The following PVT1 variants were observed in gnomAD, a reference collection of about 807,000 sequenced individuals.
PVT1 encodes Pvt1 oncogene, also known as CXCR4/PVT1 fusion.
intron 3 of PVT1, among the ~76,000 whole-genome samples, chr8:127,938,219 A>G (rs1586445412): frequency 6.6e-6 from 1 of 152,318 alleles, no homozygotes; most frequent in African/African-American, 2.4e-5. Flanking sequence ...GGGGCCACAA[A>G]GAGGCGACAA....
At chr8:127,802,914 G>A (rs1321959093) in intron 2 of PVT1, among the ~76,000 whole-genome samples, 1 of 152,070 alleles carries the variant, frequency 6.6e-6, no homozygotes, top group African/African-American at 2.4e-5. Context: ...AGGAGGGAAG[G>A]AAGACACTGG....
At chr8:127,822,446 G>A (rs1276380728) in intron 2 of PVT1, among the ~76,000 whole-genome samples, 1 of 152,120 alleles carries the variant, frequency 6.6e-6, no homozygotes, top group Non-Finnish European at 1.5e-5. Flanking sequence ...ACGTAGTGGC[G>A]AGTGCCTGTA....
chr8:127,933,263 T>C (rs7015082), intron 3 of PVT1, among the ~76,000 whole-genome samples: 98,286 of 151,932 alleles, frequency 0.65, 32,251 homozygotes, highest in Middle Eastern at 0.75. Context: ...TTAGTAGAGA[T>C]GGGGTTTCTC....
At chr8:127,832,684 C>T (rs557830433) in intron 2 of PVT1, among the ~76,000 whole-genome samples, 1 of 152,080 alleles carries the variant, frequency 6.6e-6, no homozygotes, top group Non-Finnish European at 1.5e-5. Flanking sequence ...TGGTGAAACC[C>T]CATCTCTACT....
At chr8:127,880,860 A>G (rs550736730) in intron 2 of PVT1, among the ~76,000 whole-genome samples, 10 of 152,154 alleles carry the variant, frequency 6.6e-5, no homozygotes, top group African/African-American at 2.2e-4. Context: ...CAGCCTCCCA[A>G]CGTGCTGGGA....
At chr8:127,922,568 C>G (rs1816074828) in intron 3 of PVT1, among the ~76,000 whole-genome samples, 1 of 152,172 alleles carries the variant, frequency 6.6e-6, no homozygotes, top group Admixed American at 6.5e-5. Flanking sequence ...AGCTACCTTC[C>G]TACCTCCATC....
At chr8:128,018,143 C>T (rs912308787) in intron 4 of PVT1, among the ~76,000 whole-genome samples, 1 of 152,164 alleles carries the variant, frequency 6.6e-6, no homozygotes, top group Non-Finnish European at 1.5e-5. Context: ...ATTCTTTCTT[C>T]AGCCATGTAA....
At chr8:127,961,029 G>T (rs900258782) in intron 3 of PVT1, among the ~76,000 whole-genome samples, 8 of 152,176 alleles carry the variant, frequency 5.3e-5, no homozygotes, top group Admixed American at 2.0e-4. Flanking sequence ...GGGGACACAG[G>T]GTGCCATAGG....
intron 3 of PVT1, among the ~76,000 whole-genome samples, chr8:127,969,382 CT>C (rs1243491118): frequency 1.3e-5 from 2 of 152,142 alleles, no homozygotes; most frequent in African/African-American, 4.8e-5. Flanking sequence ...TGGCCGAGAG[CT>C]TTTCTGACCC....
chr8:127,974,573 C>T (rs1158745013), intron 3 of PVT1, among the ~76,000 whole-genome samples: 3 of 150,878 alleles, frequency 2.0e-5, no homozygotes, highest in Non-Finnish European at 2.9e-5. Context: ...CACTGCTACA[C>T]GGCTCTAACT....
rs143516406 is a variant in PVT1, at chr8:128,059,659, A to G, written n.913-10501A>G. 4.2e-4 allele frequency among the ~76,000 whole-genome samples: 64 copies of G among 152,338 alleles called. No individual in the cohort carries two copies. The Middle Eastern group carries it at 0.017, about 40-fold the overall frequency. ...GCCAGGTGGCCTCACAATGCCCAGG[A>G]TATTGAGTATCTGGCACTTTATAGG... On this transcript the variant is annotated intron_variant and non_coding_transcript_variant, in intron 4 of 10. Coordinates refer to ENST00000651587, the Ensembl canonical transcript of PVT1.
At chr8:128,020,360 G>A (rs890004457) in intron 4 of PVT1, among the ~76,000 whole-genome samples, 3 of 152,120 alleles carry the variant, frequency 2.0e-5, no homozygotes, top group African/African-American at 4.8e-5. Context: ...CCAATCACAC[G>A]GGCCCTTAAA....
chr8:128,046,703 A>G (rs1456634649), intron 4 of PVT1, among the ~76,000 whole-genome samples: 1 of 152,212 alleles, frequency 6.6e-6, no homozygotes, highest in African/African-American at 2.4e-5. Context: ...TCTCCATGCC[A>G]CACTGCTCTG....
chr8:128,008,540 A>C (rs1253084614), intron 4 of PVT1, among the ~76,000 whole-genome samples: 1 of 152,212 alleles, frequency 6.6e-6, no homozygotes, highest in African/African-American at 2.4e-5. Context: ...TAATTCTCCG[A>C]AATGGTTTCT....
At chr8:127,826,013 GC>G (rs938855771) in intron 2 of PVT1, among the ~76,000 whole-genome samples, 1 of 60,768 alleles carries the variant, frequency 1.6e-5, no homozygotes, top group African/African-American at 1.0e-4. Flanking sequence ...ACCATGCCCA[GC>G]TTTTTTTTTT....
At chr8:127,913,771 T>A (rs1815940112) in intron 3 of PVT1, among the ~76,000 whole-genome samples, 1 of 152,138 alleles carries the variant, frequency 6.6e-6, no homozygotes, top group African/African-American at 2.4e-5. Flanking sequence ...TCGTCCGCAG[T>A]CTTTCCCTCC....
At chr8:128,042,415 C>T (rs1360105163) in intron 4 of PVT1, among the ~76,000 whole-genome samples, 1 of 152,100 alleles carries the variant, frequency 6.6e-6, no homozygotes, top group Non-Finnish European at 1.5e-5. Flanking sequence ...CTAATTATGG[C>T]GATAGTGTTG....
At position 127,813,552 on chromosome 8, in the gene PVT1, G is replaced by A. The variant is rs145557902; in HGVS notation, n.372+17481G>A. 7.2e-5 allele frequency among the ~76,000 whole-genome samples: 11 copies of A among 152,198 alleles called. No individual in the cohort carries two copies. The East Asian group carries it at 7.7e-4, about 11-fold the overall frequency. On this transcript the variant is annotated intron_variant and non_coding_transcript_variant, in intron 2 of 10. Transcript: ENST00000651587. ...CTCCTACTGTCCCTGACCCATGTCC[G>A]CTTTTGTCTCCTCCCACTCTAATAA...
chr8:127,948,689 G>C (rs1349081792), intron 3 of PVT1: 1 of 152,322 alleles, frequency 6.6e-6, no homozygotes, highest in Non-Finnish European at 1.5e-5. Flanking sequence ...GAGGAGTGAA[G>C]ACCACGTGTA....
Sources: allele counts gnomAD v4.1 joint callset (sites outside exome capture counted in the v4.1 genomes callset), GRCh38; gene constraint gnomAD v4.1.1; transcripts MANE v1.5; gene names NCBI Gene and HGNC (gene_info 2026-07-23, HGNC 2026-07-21).